Variants in PTPRN2 observed in about 807,000 individuals in gnomAD.
PTPRN2 encodes receptor-type tyrosine-protein phosphatase N2.
In PTPRN2, 74 loss-of-function variants were observed where a neutral mutation model predicts 118.8. That is an observed-to-expected ratio of 0.62 (90% CI 0.52 to 0.76). The LOEUF (loss-of-function observed/expected upper bound fraction) is 0.76, where lower values mean the gene tolerates loss of function less well. Among genes scored for constraint, PTPRN2 ranks in the 30% least tolerant of loss-of-function variants. The pLI, the probability that PTPRN2 is intolerant of heterozygous loss-of-function variation, is 0.00. For synonymous variants in PTPRN2, 641 were observed against 608.0 expected, an observed-to-expected ratio of 1.05 and a Z score of -0.80; for missense variants, 1,481 against 1,394.4, an observed-to-expected ratio of 1.06 and a Z score of -0.99.
intron 21 of PTPRN2, among the ~76,000 whole-genome samples, chr7:157,555,970 G>A (rs984751850): frequency 6.6e-6 from 1 of 152,202 alleles, no homozygotes; most frequent in African/African-American, 2.4e-5. Context: ...GGGAGGACTG[G>A]GCTCTGAAGG....
At chr7:158,056,308 C>T (rs933574401) in intron 11 of PTPRN2, among the ~76,000 whole-genome samples, 2 of 152,220 alleles carry the variant, frequency 1.3e-5, no homozygotes, top group African/African-American at 4.8e-5. Context: ...GGGCCTCATC[C>T]ACACAGAGGC....
rs1810905327 is a variant in PTPRN2, at chr7:157,869,200, G to C, written c.1788+29473C>G. ...AACTTTGCCAGGGTCCTAAGCGTGT[G>C]CTTAGGTACTTGCAGAGCCTCCCAG... is the stretch of plus-strand genomic sequence containing the variant. On this transcript the variant is annotated intron_variant, in intron 12 of 22. Coordinates refer to ENST00000389418, the MANE Select transcript of PTPRN2 (RefSeq NM_002847.5). The surrounding 1 kb of genome is among the most constrained non-coding windows in gnomAD (Gnocchi z 4.2). The C allele has an allele frequency of 6.6e-6, 1 of 152,154 alleles. No individual in the cohort carries two copies. The highest frequency in any genetic ancestry group is 2.4e-5 in the African/African-American group (1 of 41,438). The allele number at this position is 152,154 out of a possible 1,614,324, so 9.4% of individuals were successfully genotyped here. A position where few individuals can be genotyped will look rare whatever the true frequency, so the allele number is the denominator to read the frequency against.
intron 3 of PTPRN2, among the ~76,000 whole-genome samples, chr7:158,247,530 C>T (rs1014631227): frequency 4.6e-5 from 7 of 152,218 alleles, no homozygotes; most frequent in Non-Finnish European, 1.0e-4. Context: ...CACTCAGACA[C>T]CGTCCTAAAC....
At chr7:158,404,841 T>C (rs1586588273) in intron 2 of PTPRN2, among the ~76,000 whole-genome samples, 2 of 27,166 alleles carry the variant, frequency 7.4e-5, no homozygotes, top group Admixed American at 5.6e-4. Context: ...CGGCCCCAGC[T>C]CCCCGGCCTC....
rs140643961 is a variant in PTPRN2 at position 158,518,108 on chromosome 7, C to T, written c.113-28323G>A. Among the ~76,000 whole-genome samples, 1,053 of 152,278 alleles carry T rather than the reference C, an allele frequency of 6.9e-3. 4 individuals carry two copies. The highest frequency in any genetic ancestry group is 1.0e-2 in the Non-Finnish European group (678 of 68,024). On this transcript the variant is annotated intron_variant, in intron 1 of 22. Transcript: ENST00000389418. ...TAAAAGAAAATAGACTCCAGGAGGG[C>T]AAGAGTGGGTTTATCTCAGTTACTG...
intron 11 of PTPRN2, among the ~76,000 whole-genome samples, chr7:158,069,980 A>G (rs1252952147): frequency 6.6e-6 from 1 of 152,256 alleles, no homozygotes; most frequent in Non-Finnish European, 1.5e-5. Flanking sequence ...TCACAAAACA[A>G]GCAAATAGCT....
chr7:158,346,854 A>G (rs964523929), intron 2 of PTPRN2, among the ~76,000 whole-genome samples: 5 of 152,200 alleles, frequency 3.3e-5, no homozygotes, highest in African/African-American at 4.8e-5. Flanking sequence ...AATGATTAGC[A>G]CAGTTGAGCA....
At chr7:158,195,766 T>C (rs1434272253) in intron 4 of PTPRN2, among the ~76,000 whole-genome samples, 1 of 152,222 alleles carries the variant, frequency 6.6e-6, no homozygotes, top group East Asian at 1.9e-4. Context: ...ATTGTGTCTG[T>C]GTCAGTTCTG....
chr7:158,366,102 C>CCGG (rs1809478952), intron 2 of PTPRN2, among the ~76,000 whole-genome samples: 1 of 139,068 alleles, frequency 7.2e-6, no homozygotes. Flanking sequence ...CACAGCATCC[C>CCGG]TAGAAGCTGC....
In PTPRN2 at chr7:158,380,116, G is replaced by C. The variant is rs184532441; in HGVS notation, c.164-63184C>G. 1.4e-3 allele frequency among the ~76,000 whole-genome samples: 220 copies of C among 152,278 alleles called. 2 individuals are homozygous for C. Among genetic ancestry groups the C allele is most frequent in the Non-Finnish European group, 1.2e-3 (80 of 68,030 alleles). ...AAGATCAGATTTCAGTGGGGACACA[G>C]CCAAACCATATCATTATGCCCCTGG... On this transcript the variant is annotated intron_variant, in intron 2 of 22. Transcript: ENST00000389418.
intron 10 of PTPRN2, among the ~76,000 whole-genome samples, chr7:158,085,415 A>T (rs1406800253): frequency 8.0e-5 from 5 of 62,300 alleles, no homozygotes; most frequent in African/African-American, 1.1e-4. Flanking sequence ...ATCCACACCC[A>T]TGACGCCCAT....
chr7:158,249,346 T>C, intron 3 of PTPRN2, among the ~76,000 whole-genome samples: 1 of 137,164 alleles, frequency 7.3e-6, no homozygotes, highest in African/African-American at 2.9e-5. Context: ...TGCACACACA[T>C]CACACACATG....
rs908125063 is a variant in PTPRN2 at position 157,598,605 on chromosome 7, C to T, written c.2419-3290G>A. Among the ~76,000 whole-genome samples the T allele has an allele frequency of 3.9e-5, 6 of 152,192 alleles. No individual in the cohort carries two copies. Among genetic ancestry groups the T allele is most frequent in the Non-Finnish European group, 4.4e-5 (3 of 68,038 alleles). On this transcript the variant is annotated intron_variant, in intron 16 of 22. Coordinates refer to ENST00000389418, the MANE Select transcript of PTPRN2 (RefSeq NM_002847.5). The surrounding 1 kb of genome is among the most constrained non-coding windows in gnomAD (Gnocchi z 5.2). Reference sequence around the variant, plus strand: ...TCCTTTAGCTCTGGATTCCAGTGCACGTGCATGTGCAGACTCGTCTGTGTG... The same window carrying T: ...TCCTTTAGCTCTGGATTCCAGTGCATGTGCATGTGCAGACTCGTCTGTGTG...
intron 2 of PTPRN2, among the ~76,000 whole-genome samples, chr7:158,333,414 CCACACT>C (rs1421677172): frequency 1.4e-5 from 2 of 146,554 alleles, no homozygotes; most frequent in Non-Finnish European, 3.0e-5. Flanking sequence ...TCACTCACAC[CCACACT>C]GTCACCATAA....
At position 158,286,711 on chromosome 7, in the gene PTPRN2, G is replaced by A. The variant is rs191254537; in HGVS notation, c.277+30108C>T. On this transcript the variant is annotated intron_variant, in intron 3 of 22. Coordinates refer to ENST00000389418, the MANE Select transcript of PTPRN2 (RefSeq NM_002847.5). ...TACCAGGGATAAATCCCAGTTGATC[G>A]TGGTGAATGATCCTTTTCATGAGCT... Among the ~76,000 whole-genome samples, 649 of 152,268 alleles carry A rather than the reference G, an allele frequency of 4.3e-3. 23 individuals are homozygous for A. The highest frequency in any genetic ancestry group is 0.036 in the Admixed American group (551 of 15,294).
intron 12 of PTPRN2, among the ~76,000 whole-genome samples, chr7:157,816,165 A>T (rs1419639675): frequency 1.3e-5 from 2 of 151,372 alleles, no homozygotes; most frequent in Non-Finnish European, 2.9e-5. Flanking sequence ...CAGCCCAGAG[A>T]CCCCCCAGCC....
chr7:157,614,125 G>C (rs753432246), intron 15 of PTPRN2: 1 of 471,290 alleles, frequency 2.1e-6, no homozygotes, highest in Non-Finnish European at 4.4e-6. Flanking sequence ...AAAGGAGGAC[G>C]GAGAGGAGGG....
At chr7:158,407,179 CGTCCTGGGTCCTGGGTCCTGGGTCCT>C (rs1813558557) in intron 2 of PTPRN2, among the ~76,000 whole-genome samples, 4 of 48,138 alleles carry the variant, frequency 8.3e-5, no homozygotes, top group East Asian at 1.5e-3. Context: ...CTGCGTCCTG[CGTCCTGGGTCCTGGGTCCTGGGTCCT>C]GGGTCCTGCG....
In PTPRN2 at chr7:158,562,197, G is replaced by A. The variant is rs190183302; in HGVS notation, c.112+25361C>T. Among the ~76,000 whole-genome samples, 59 of 152,242 alleles carry A rather than the reference G, an allele frequency of 3.9e-4. No individual in the cohort carries two copies. The East Asian group carries it at 0.01, about 27-fold the overall frequency. ...CGGAGAGCAGGGCACCAGGAGACTC[G>A]GCATCCCAAGGTCCTGCTTCCTGGA... On this transcript the variant is annotated intron_variant, in intron 1 of 22. Coordinates refer to ENST00000389418, the MANE Select transcript of PTPRN2 (RefSeq NM_002847.5).
Sources: allele counts gnomAD v4.1 joint callset (sites outside exome capture counted in the v4.1 genomes callset), GRCh38; gene constraint gnomAD v4.1.1; non-coding constraint Gnocchi (gnomAD v3.1); transcripts MANE v1.5; gene names NCBI Gene and HGNC (gene_info 2026-07-23, HGNC 2026-07-21).